KDM4A: variants seen among roughly 807,000 people sequenced by gnomAD.
KDM4A encodes the protein lysine-specific demethylase 4A.
Under a neutral mutation model 127.1 loss-of-function variants are expected in KDM4A, and 23 were observed. The ratio of observed to expected loss-of-function variants is 0.18; its 90% CI spans 0.13 to 0.26. KDM4A has a LOEUF of 0.26. Among genes scored for constraint, KDM4A ranks in the 10% least tolerant of loss-of-function variants. The pLI is 1.00. For synonymous variants in KDM4A, 443 were observed against 466.5 expected (o/e 0.95, Z 0.65); for missense variants, 890 against 1,329.1 (o/e 0.67, Z 5.14).
At chr1:43,657,867 C>T (rs959647937) in intron 3 of KDM4A, among the ~76,000 whole-genome samples, 20 of 149,790 alleles carry the variant, frequency 1.3e-4, no homozygotes, top group East Asian at 5.9e-4. Flanking sequence ...TTTCCTTCCT[C>T]GGCCTCCCGA....
intron 3 of KDM4A, among the ~76,000 whole-genome samples, chr1:43,659,347 A>G (rs1212174585): frequency 2.0e-5 from 3 of 152,068 alleles, no homozygotes; most frequent in Non-Finnish European, 4.4e-5. Context: ...GTTTTACTCT[A>G]TGGCCGAGGC....
chr1:43,703,584 TC>T, intron 19 of KDM4A, 32 bp from the exon 20 acceptor site: 1 of 1,612,168 alleles, frequency 6.2e-7, no homozygotes, highest in Non-Finnish European at 8.5e-7. Flanking sequence ...AGGTGGACGT[TC>T]CTTTCACCCT....
At chr1:43,698,093 T>C (rs987144457) in intron 19 of KDM4A, 80 bp downstream of exon 19, 23 of 1,374,592 alleles carry the variant, frequency 1.7e-5, no homozygotes, top group Non-Finnish European at 2.2e-5. Context: ...TGTGTGTGTA[T>C]GCCTGCTTCT....
rs1052081860 is a variant in KDM4A at position 43,655,641 on chromosome 1, T to A, written c.189T>A (p.Asp63Glu). 1.2e-6 allele frequency: 2 copies of A among 1,613,188 alleles called. No individual in the cohort carries two copies. Among genetic ancestry groups the A allele is most frequent in the Non-Finnish European group, 1.7e-6 (2 of 1,179,814 alleles). The change falls in exon 3 of 22, where the codon GAT (aspartate) becomes GAA (glutamate). Residue 63 changes from aspartate to glutamate, a missense_variant. Coordinates refer to ENST00000372396, the MANE Select transcript of KDM4A (RefSeq NM_014663.3). ...CACGAGCATCCTATGATGACATTGA[T>A]GATTTGGTCATTCCTGCCCCCATTC... ...WKPRASYDDI[D>E]DLVIPAPIQQ... is the part of the protein sequence containing the mutation.
intron 19 of KDM4A, among the ~76,000 whole-genome samples, chr1:43,698,770 C>G (rs1379153305): frequency 6.6e-6 from 1 of 152,178 alleles, no homozygotes; most frequent in Non-Finnish European, 1.5e-5. Flanking sequence ...GTACTCATAG[C>G]AGTAGCATAG....
intron 19 of KDM4A, 107 bp downstream of exon 19, chr1:43,698,120 G>A: frequency 9.6e-7 from 1 of 1,045,400 alleles, no homozygotes; most frequent in Non-Finnish European, 1.4e-6. Context: ...CAGGTCCCTG[G>A]TCCCATCACC....
Position 43,691,531 on chromosome 1 carries a change from G to A in KDM4A, c.2278G>A (p.Asp760Asn). The A allele has an allele frequency of 1.2e-6, 2 of 1,614,062 alleles. No individual in the cohort carries two copies. The highest frequency in any genetic ancestry group is 1.6e-4 in the Middle Eastern group (1 of 6,062). Residue 760 changes from aspartate (D) to asparagine (N), a missense_variant, in exon 15 of 22, where the codon GAC (aspartate) becomes AAC (asparagine). This residue lies in a region of KDM4A where 246 missense variants were observed against 418.4 expected (regional missense o/e 0.59). Transcript: ENST00000372396. ...YGVPPAKASE[D>N]WMCSRCSANA... is the part of the protein sequence containing the mutation. ...GGTCCCCCCTGCAAAGGCTTCTGAA[G>A]ACTGGATGTGTTCTCGGTGTTCAGC...
In KDM4A at chr1:43,705,367, G is replaced by A. The variant is rs573034542; in HGVS notation, c.*997G>A. ...CAAGAATTTGTTTGCCTGGGCCCAG[G>A]ATTGGAGGGCTTCACACCAATACCC... On this transcript the variant is annotated 3_prime_UTR_variant, in exon 22 of 22. Coordinates refer to ENST00000372396, the MANE Select transcript of KDM4A (RefSeq NM_014663.3). 25 of 152,676 alleles carry A rather than the reference G, an allele frequency of 1.6e-4. No homozygotes were observed. The highest frequency in any genetic ancestry group is 1.1e-3 in the Admixed American group (17 of 15,298). 9.5% of individuals were successfully genotyped at this position (152,676 alleles called of 1,614,324 possible). A position where few individuals can be genotyped will look rare whatever the true frequency, so the allele number is the denominator to read the frequency against.
rs1660343726 is a variant in KDM4A, at chr1:43,660,357, T to C, written c.374T>C (p.Leu125Pro). Reference sequence around the variant, plus strand: ...CTCGAGCGGAAATACTGGAAAAATCTTACATTCAATCCTCCAATCTATGGT... The same window carrying C: ...CTCGAGCGGAAATACTGGAAAAATCCTACATTCAATCCTCCAATCTATGGT... Reference protein sequence around the residue: ...EELERKYWKNLTFNPPIYGAD... With the variant: ...EELERKYWKNPTFNPPIYGAD... Residue 125 changes from leucine to proline, a missense_variant, in exon 4 of 22, where the codon CTT becomes CCT. Physicochemically the swap from Leu to Pro is moderately conservative, Grantham distance 98. Coordinates refer to ENST00000372396, the MANE Select transcript of KDM4A (RefSeq NM_014663.3). 2 of 1,613,714 alleles carry C rather than the reference T, an allele frequency of 1.2e-6. No homozygotes were observed. The highest frequency in any genetic ancestry group is 1.7e-6 in the Non-Finnish European group (2 of 1,179,750).
At position 43,694,877 on chromosome 1, in the gene KDM4A, A is replaced by G; in HGVS notation, c.2653A>G (p.Lys885Glu). The change falls in exon 18 of 22, where the codon AAG (lysine) becomes GAG (glutamate). Residue 885 changes from lysine to glutamate, a missense_variant. Physicochemically the swap from Lys to Glu is moderately conservative, Grantham distance 56. Around this residue, in one of 7 missense-constraint regions of KDM4A, gnomAD observed 246 missense variants for 418.4 expected, o/e 0.59. Coordinates refer to ENST00000372396, the MANE Select transcript of KDM4A (RefSeq NM_014663.3). This position sits in a 1 kb window ranked among gnomAD's most constrained non-coding sequence, Gnocchi z 5.2. ...GGTCTTCATTACCTGCTTTCGGCAC[A>G]AGATTCCTAATTTGGAGGTGAGAGA... ...FVVFITCFRHKIPNLERAKGA... is the reference protein window; with the variant it reads ...FVVFITCFRHEIPNLERAKGA... The G allele has an allele frequency of 1.3e-6, 2 of 1,595,514 alleles. No homozygotes were observed. Among genetic ancestry groups the G allele is most frequent in the Non-Finnish European group, 1.7e-6 (2 of 1,164,192 alleles).
chr1:43,693,976 G>T lies in KDM4A; in HGVS notation c.2376-18G>T. The T allele has an allele frequency of 6.2e-7, 1 of 1,610,196 alleles. No homozygotes were observed. Among genetic ancestry groups the T allele is most frequent in the Non-Finnish European group, 8.5e-7 (1 of 1,176,562 alleles). On this transcript the variant is annotated intron_variant, in intron 16 of 21. Coordinates refer to ENST00000372396, the MANE Select transcript of KDM4A (RefSeq NM_014663.3). This position sits in a 1 kb window ranked among gnomAD's most constrained non-coding sequence, Gnocchi z 4.2. ...CTTGGGCCCAGAGGTGACTGAGGGA[G>T]CCTTTGCCTTTTGGCAGGTGGGTCC...
chr1:43,667,794 TGAA>T lies in KDM4A; in HGVS notation c.941_943del (p.Lys314del). The T allele has an allele frequency of 6.2e-7, 1 of 1,614,116 alleles. No homozygotes were observed. The highest frequency in any genetic ancestry group is 8.5e-7 in the Non-Finnish European group (1 of 1,179,998). ...CAGTGCTCCTGTAGAAAGGACATGG[TGAA>T]GATCTCCATGGATGTGTTTGTGAGA... On this transcript the variant is annotated inframe_deletion, in exon 9 of 22. Transcript: ENST00000372396.
At chr1:43,670,814 G>C (rs1198930408) in intron 10 of KDM4A, among the ~76,000 whole-genome samples, 1 of 152,070 alleles carries the variant, frequency 6.6e-6, no homozygotes, top group African/African-American at 2.4e-5. Context: ...GCCCACCTCA[G>C]CCTCCCAAAG....
chr1:43,654,482 T>A (rs1660190090), intron 2 of KDM4A, among the ~76,000 whole-genome samples: 1 of 152,096 alleles, frequency 6.6e-6, no homozygotes, highest in Non-Finnish European at 1.5e-5. Context: ...TTTTTTCCTT[T>A]TTAACAACAT....
intron 1 of KDM4A, 31 bp downstream of exon 1, chr1:43,650,283 G>A (rs1660079827): frequency 6.6e-6 from 1 of 151,820 alleles, no homozygotes; most frequent in African/African-American, 2.4e-5. Context: ...GAATTCTCGA[G>A]GATCATTGCC....
chr1:43,662,828 T>G lies in KDM4A; in HGVS notation c.430-66T>G. ...CAGCTTACTTGTGACCTACTCTGAT[T>G]TGTAGGTTCAGAGCCTCGGTTTCTA... On this transcript the variant is annotated intron_variant, in intron 4 of 21. Coordinates refer to ENST00000372396, the MANE Select transcript of KDM4A (RefSeq NM_014663.3). 4.3e-6 allele frequency: 6 copies of G among 1,385,088 alleles called. No individual in the cohort carries two copies. In the South Asian group the frequency reaches 5.4e-5, roughly 13 times the overall value. The allele number at this position is 1,385,088 out of a possible 1,614,324, so 85.8% of individuals were successfully genotyped here.
intron 2 of KDM4A, among the ~76,000 whole-genome samples, chr1:43,655,221 A>G (rs1351536685): frequency 6.6e-6 from 1 of 152,186 alleles, no homozygotes; most frequent in African/African-American, 2.4e-5. Context: ...AAAAAAGGAA[A>G]TTCTGTACAA....
Position 43,656,731 on chromosome 1 carries a change from C to CT in KDM4A, c.314+978dup, listed in dbSNP as rs769635621. Among the ~76,000 whole-genome samples the CT allele has an allele frequency of 2.5e-3, 354 of 141,458 alleles. 2 individuals carry two copies. Among genetic ancestry groups the CT allele is most frequent in the African/African-American group, 6.0e-3 (232 of 38,740 alleles). The allele number at this position is 141,458 out of a possible 152,430, so 92.8% of individuals were successfully genotyped here. A position where few individuals can be genotyped will look rare whatever the true frequency, so the allele number is the denominator to read the frequency against. On this transcript the variant is annotated intron_variant, in intron 3 of 21. Coordinates refer to ENST00000372396, the MANE Select transcript of KDM4A (RefSeq NM_014663.3). ...CCTTGTTCAGCTCTGACTACTCCAT[C>CT]TTTTTTTTTTTTTGAGGTGGAGTCT...
intron 6 of KDM4A, 170 bp from the exon 7 acceptor site, chr1:43,666,282 G>A (rs930368383): frequency 3.3e-6 from 2 of 606,620 alleles, no homozygotes; most frequent in East Asian, 5.7e-5. Context: ...TGAGCCTAGA[G>A]GCTCATTGCA....
Sources: allele counts gnomAD v4.1 joint callset (sites outside exome capture counted in the v4.1 genomes callset), GRCh38; gene constraint gnomAD v4.1.1; regional missense constraint gnomAD v4.1.1; non-coding constraint Gnocchi (gnomAD v3.1); transcripts MANE v1.5; gene names NCBI Gene and HGNC (gene_info 2026-07-23, HGNC 2026-07-21).